CSMD1: variants seen among roughly 807,000 people sequenced by gnomAD.
CSMD1 encodes the protein CUB and sushi domain-containing protein 1.
CSMD1 carries 213 observed loss-of-function variants against 417.5 expected under a neutral mutation model. That is an observed-to-expected ratio of 0.51 (90% CI 0.46 to 0.57). The LOEUF (loss-of-function observed/expected upper bound fraction) is 0.57, where lower values mean the gene tolerates loss of function less well. Ranked by LOEUF, CSMD1 falls within the 20% of genes least tolerant of loss-of-function variation. The probability of loss-of-function intolerance (pLI) is 0.00; values close to 1 mark genes in which losing one functional copy is unlikely to be tolerated. For synonymous variants in CSMD1, 2,862 were observed against 1,736.8 expected (o/e 1.65, Z -16.11); for missense variants, 6,923 against 4,529.7 (o/e 1.53, Z -15.17).
At chr8:4,672,808 G>T (rs576530717) in intron 1 of CSMD1, among the ~76,000 whole-genome samples, 7 of 151,702 alleles carry the variant, frequency 4.6e-5, no homozygotes, top group Non-Finnish European at 1.0e-4. Context: ...TCACATGCAT[G>T]GTAACAAAAC....
At chr8:3,138,668 T>C (rs927204610) in intron 41 of CSMD1, among the ~76,000 whole-genome samples, 94 of 152,150 alleles carry the variant, frequency 6.2e-4, no homozygotes, top group African/African-American at 2.0e-3. Flanking sequence ...ATGGAAAGCA[T>C]TGCAGGCTGA....
At chr8:4,636,235 T>C (rs1257750786) in intron 2 of CSMD1, among the ~76,000 whole-genome samples, 1 of 152,136 alleles carries the variant, frequency 6.6e-6, no homozygotes, top group Non-Finnish European at 1.5e-5. Flanking sequence ...GGAAGGGATA[T>C]TCCTTCTTCC....
At chr8:4,083,316 G>A (rs1159335560) in intron 3 of CSMD1, among the ~76,000 whole-genome samples, 6 of 152,158 alleles carry the variant, frequency 3.9e-5, no homozygotes, top group Admixed American at 3.9e-4. Context: ...TCTAACTGGT[G>A]TGAGATGGTA....
chr8:3,105,872 T>C (rs942544546), intron 46 of CSMD1, among the ~76,000 whole-genome samples: 1 of 152,260 alleles, frequency 6.6e-6, no homozygotes, highest in African/African-American at 2.4e-5. Flanking sequence ...TAAGTTTTCA[T>C]AGCGGAAGCT....
chr8:3,487,996 A>G (rs552368354), intron 11 of CSMD1, among the ~76,000 whole-genome samples: 2 of 149,960 alleles, frequency 1.3e-5, no homozygotes, highest in African/African-American at 2.5e-5. Flanking sequence ...AAGACTAAAA[A>G]AAAGACCCTA....
intron 3 of CSMD1, among the ~76,000 whole-genome samples, chr8:4,253,539 GTTAT>G (rs1168358805): frequency 6.6e-6 from 1 of 152,136 alleles, no homozygotes. Flanking sequence ...AAAGGATGAT[GTTAT>G]TTAATCTTGG....
intron 1 of CSMD1, among the ~76,000 whole-genome samples, chr8:4,693,747 G>C (rs1352601295): frequency 4.0e-5 from 1 of 25,132 alleles, no homozygotes; most frequent in Non-Finnish European, 6.4e-5. Context: ...TGTGATCATA[G>C]CTCACTACAG....
chr8:3,409,960 C>A (rs932879375), intron 12 of CSMD1, among the ~76,000 whole-genome samples: 29 of 152,178 alleles, frequency 1.9e-4, no homozygotes, highest in Non-Finnish European at 3.1e-4. Flanking sequence ...TAATTTTCAA[C>A]TATGTGCTTT....
intron 3 of CSMD1, among the ~76,000 whole-genome samples, chr8:4,122,950 G>A (rs1337954068): frequency 1.3e-5 from 2 of 152,218 alleles, no homozygotes; most frequent in East Asian, 3.8e-4. Flanking sequence ...CTACTGCAAA[G>A]CAGCACTGTG....
intron 3 of CSMD1, among the ~76,000 whole-genome samples, chr8:4,364,914 C>G (rs34689257): frequency 1.6e-5 from 2 of 121,700 alleles, no homozygotes; most frequent in East Asian, 2.4e-4. Context: ...AAATCATAAC[C>G]AAATATTGAA....
At chr8:3,799,709 A>C (rs935579475) in intron 5 of CSMD1, among the ~76,000 whole-genome samples, 2 of 151,814 alleles carry the variant, frequency 1.3e-5, no homozygotes, top group Admixed American at 6.6e-5. Flanking sequence ...CTGCCAGCTG[A>C]ACGTTTGACA....
rs1369406621 is a variant in CSMD1 at position 3,164,274 on chromosome 8, G to A, written c.5726-1997C>T. 2.0e-5 allele frequency among the ~76,000 whole-genome samples: 3 copies of A among 152,152 alleles called. No individual in the cohort carries two copies. The East Asian group carries it at 5.8e-4, about 29-fold the overall frequency. On this transcript the variant is annotated intron_variant, in intron 37 of 69. Coordinates refer to ENST00000635120, the MANE Select transcript of CSMD1 (RefSeq NM_033225.6). ...TTCTGTATAGAATGAGTAGGTAGGA[G>A]GAGTGCCACGAACTTTTTCTAAGTT...
At chr8:4,634,904 G>A (rs1293353914) in intron 2 of CSMD1, among the ~76,000 whole-genome samples, 2 of 152,036 alleles carry the variant, frequency 1.3e-5, no homozygotes, top group East Asian at 1.9e-4. Flanking sequence ...GTCATTGGGC[G>A]TTTTTCCGAT....
chr8:3,958,996 C>T (rs531699979), intron 5 of CSMD1, among the ~76,000 whole-genome samples: 4 of 152,286 alleles, frequency 2.6e-5, no homozygotes, highest in East Asian at 1.9e-4. Flanking sequence ...TTCTCCCATG[C>T]GTCTCCCTCC....
intron 3 of CSMD1, among the ~76,000 whole-genome samples, chr8:4,216,941 A>G (rs1037522840): frequency 1.3e-5 from 2 of 152,074 alleles, no homozygotes; most frequent in African/African-American, 4.8e-5. Context: ...AGCTCCAACA[A>G]ACCTTTTTTC....
At chr8:3,269,308 G>A (rs567097569) in intron 26 of CSMD1, among the ~76,000 whole-genome samples, 2 of 152,320 alleles carry the variant, frequency 1.3e-5, no homozygotes, top group Non-Finnish European at 2.9e-5. Flanking sequence ...GGAAGATGCC[G>A]AGAGCAGAGG....
intron 5 of CSMD1, among the ~76,000 whole-genome samples, chr8:3,994,287 C>G (rs1411801778): frequency 1.3e-5 from 2 of 151,988 alleles, no homozygotes; most frequent in African/African-American, 4.8e-5. Context: ...AGTAAATGCT[C>G]CCTCAGTGTT....
intron 2 of CSMD1, among the ~76,000 whole-genome samples, chr8:4,500,402 A>C (rs1344715206): frequency 6.6e-6 from 1 of 152,228 alleles, no homozygotes; most frequent in Admixed American, 6.5e-5. Context: ...CCGAAAAAAT[A>C]ATGAACTATT....
At chr8:4,501,849 C>G (rs1260107248) in intron 2 of CSMD1, among the ~76,000 whole-genome samples, 1 of 152,024 alleles carries the variant, frequency 6.6e-6, no homozygotes, top group Non-Finnish European at 1.5e-5. Flanking sequence ...AGAGGTATGT[C>G]TGTATAGGAA....
Sources: gnomAD v4.1 joint callset for allele counts (sites outside exome capture counted in the v4.1 genomes callset) on GRCh38, gnomAD v4.1.1 for gene constraint, MANE v1.5 for transcripts, NCBI Gene and HGNC (gene_info 2026-07-23, HGNC 2026-07-21) for gene names.